Variants in QKI observed in about 807,000 individuals in gnomAD.
The protein encoded by QKI is QKI, KH domain containing RNA binding.
Under a neutral mutation model 39.0 loss-of-function variants are expected in QKI, and 10 were observed. The observed-to-expected ratio is 0.26, with a 90% CI of 0.16 to 0.43. The LOEUF (loss-of-function observed/expected upper bound fraction) is 0.43, where lower values mean the gene tolerates loss of function less well. QKI is among the 20% of genes least tolerant of loss of function. QKI has a pLI of 1.00. For missense variants in QKI, 218 were observed against 428.0 expected (o/e 0.51, Z 4.33); for synonymous variants, 204 against 155.4 (o/e 1.31, Z -2.33).
In QKI at chr6:163,574,985, T is replaced by C. The variant is rs1256878503; in HGVS notation, c.*4275T>C. 1 of 152,132 alleles carries C rather than the reference T, an allele frequency of 6.6e-6. No individual in the cohort carries two copies. Among genetic ancestry groups the C allele is most frequent in the Non-Finnish European group, 1.5e-5 (1 of 68,020 alleles). 9.4% of individuals were successfully genotyped at this position (152,132 alleles called of 1,614,324 possible). A position where few individuals can be genotyped will look rare whatever the true frequency, so the allele number is the denominator to read the frequency against. Reference sequence around the variant, plus strand: ...ACACACATATAAATACACAGAGTAGTGTTAGCTGATGTGAGTGATAACAGC... The same window carrying C: ...ACACACATATAAATACACAGAGTAGCGTTAGCTGATGTGAGTGATAACAGC... On this transcript the variant is annotated 3_prime_UTR_variant, in exon 8 of 8. Coordinates refer to ENST00000361752, the MANE Select transcript of QKI (RefSeq NM_006775.3).
intron 1 of QKI, among the ~76,000 whole-genome samples, chr6:163,417,051 T>A (rs959140377): frequency 2.0e-5 from 3 of 152,238 alleles, no homozygotes; most frequent in Non-Finnish European, 4.4e-5. Context: ...TGACCTATAT[T>A]AAATTTAGTT....
At chr6:163,543,927 T>G (rs1396230282) in intron 4 of QKI, among the ~76,000 whole-genome samples, 3 of 152,156 alleles carry the variant, frequency 2.0e-5, no homozygotes, top group Non-Finnish European at 4.4e-5. Flanking sequence ...TTTGTTTTGC[T>G]TTAACAAACG....
intron 1 of QKI, among the ~76,000 whole-genome samples, chr6:163,438,709 G>A (rs992276937): frequency 6.6e-6 from 1 of 152,026 alleles, no homozygotes; most frequent in African/African-American, 2.4e-5. Flanking sequence ...GGGGCTTGCA[G>A]GACTGGAAGT....
chr6:163,456,569 A>G (rs1562451711), intron 2 of QKI, among the ~76,000 whole-genome samples: 1 of 152,198 alleles, frequency 6.6e-6, no homozygotes, highest in Non-Finnish European at 1.5e-5. Context: ...TAGATGAGAA[A>G]TGTCTTAAGT....
chr6:163,454,156 C>G (rs930482117), intron 1 of QKI, among the ~76,000 whole-genome samples: 1 of 152,164 alleles, frequency 6.6e-6, no homozygotes, highest in Non-Finnish European at 1.5e-5. Flanking sequence ...ACATCTGCAT[C>G]TGGCTAACCT....
intron 7 of QKI, chr6:163,568,333 T>C (rs927407647): frequency 2.0e-6 from 2 of 985,298 alleles, no homozygotes; most frequent in Non-Finnish European, 2.4e-6. Context: ...ATTATTGGCC[T>C]ACTTAATACT....
At chr6:163,449,244 A>G (rs1371727318) in intron 1 of QKI, among the ~76,000 whole-genome samples, 1 of 152,170 alleles carries the variant, frequency 6.6e-6, no homozygotes, top group Non-Finnish European at 1.5e-5. Context: ...TATTTTATGT[A>G]TATCAAATTA....
At chr6:163,423,885 G>A (rs765233626) in intron 1 of QKI, among the ~76,000 whole-genome samples, 1 of 152,246 alleles carries the variant, frequency 6.6e-6, no homozygotes, top group Non-Finnish European at 1.5e-5. Context: ...CTATTGCTAA[G>A]TGATTCAAGT....
At chr6:163,520,286 GATA>G (rs1465344550) in intron 3 of QKI, among the ~76,000 whole-genome samples, 1 of 152,040 alleles carries the variant, frequency 6.6e-6, no homozygotes, top group African/African-American at 2.4e-5. Context: ...TAAAGTATAA[GATA>G]ATAAAATGGT....
chr6:163,507,258 A>T (rs1247506371), intron 3 of QKI, among the ~76,000 whole-genome samples: 1 of 152,132 alleles, frequency 6.6e-6, no homozygotes, highest in Non-Finnish European at 1.5e-5. Flanking sequence ...CTATGGAAGA[A>T]TGGGCTTTGA....
chr6:163,490,300 A>G (rs1777973866), intron 3 of QKI, among the ~76,000 whole-genome samples: 1 of 152,212 alleles, frequency 6.6e-6, no homozygotes, highest in Non-Finnish European at 1.5e-5. Flanking sequence ...AGTTAATTTA[A>G]TACAATCTGC....
chr6:163,555,176 T>C (rs1472127461), intron 4 of QKI, among the ~76,000 whole-genome samples: 1 of 152,210 alleles, frequency 6.6e-6, no homozygotes, highest in African/African-American at 2.4e-5. Flanking sequence ...AACTAATTCA[T>C]TTTTTAAAAT....
At chr6:163,536,028 A>G (rs1382869117) in intron 4 of QKI, among the ~76,000 whole-genome samples, 2 of 152,192 alleles carry the variant, frequency 1.3e-5, no homozygotes, top group East Asian at 3.9e-4. Context: ...GCTGCTTTTT[A>G]TTTCCCAGAT....
chr6:163,474,434 T>C (rs533893619), intron 2 of QKI, among the ~76,000 whole-genome samples: 1 of 152,162 alleles, frequency 6.6e-6, no homozygotes, highest in Admixed American at 6.5e-5. Context: ...ACAAAAGATT[T>C]ATGAGAGTCA....
intron 1 of QKI, among the ~76,000 whole-genome samples, chr6:163,425,625 T>C (rs1386143845): frequency 1.3e-5 from 2 of 152,180 alleles, no homozygotes; most frequent in African/African-American, 4.8e-5. Flanking sequence ...AATAAAAATA[T>C]TTATATTGAG....
intron 1 of QKI, among the ~76,000 whole-genome samples, chr6:163,431,831 TAAAAAA>T (rs34131160): frequency 4.3e-5 from 6 of 140,846 alleles, no homozygotes; most frequent in African/African-American, 1.6e-4. Flanking sequence ...CTGTTCTTAT[TAAAAAA>T]AAAAAAAAAC....
chr6:163,567,764 G>A (rs1211174898), intron 7 of QKI: 3 of 984,876 alleles, frequency 3.0e-6, no homozygotes, highest in Non-Finnish European at 3.6e-6. Context: ...TGGCACATTT[G>A]TTTCCTACAA....
At chr6:163,493,046 G>A (rs1344239652) in intron 3 of QKI, among the ~76,000 whole-genome samples, 4 of 151,708 alleles carry the variant, frequency 2.6e-5, no homozygotes, top group Non-Finnish European at 4.4e-5. Flanking sequence ...CGTTACTTAT[G>A]TGTTAATACA....
intron 3 of QKI, among the ~76,000 whole-genome samples, chr6:163,503,135 GTAT>G (rs1233003167): frequency 5.4e-5 from 5 of 92,238 alleles, no homozygotes; most frequent in African/African-American, 2.0e-4. Flanking sequence ...TTGGCCCCTT[GTAT>G]TTTTTTTTTT....
Sources: gnomAD v4.1 joint callset for allele counts (sites outside exome capture counted in the v4.1 genomes callset) on GRCh38, gnomAD v4.1.1 for gene constraint, MANE v1.5 for transcripts, NCBI Gene and HGNC (gene_info 2026-07-23, HGNC 2026-07-21) for gene names.